Variants in ARL15 observed in about 807,000 individuals in gnomAD.
The protein encoded by ARL15 is ADP-ribosylation factor-like protein 15.
A neutral mutation model predicts 25.2 loss-of-function variants in ARL15; 19 were observed. The observed-to-expected ratio is 0.75, with a 90% CI of 0.53 to 1.10. The LOEUF is 1.10. Ranked by LOEUF, ARL15 falls within the 50% of genes least tolerant of loss-of-function variation. ARL15 has a pLI of 0.00. For missense variants in ARL15, 220 were observed against 246.0 expected (o/e 0.89, Z 0.71); for synonymous variants, 94 against 86.8 (o/e 1.08, Z -0.46).
At chr5:54,236,151 T>C (rs1320786726) in intron 1 of ARL15, among the ~76,000 whole-genome samples, 2 of 152,204 alleles carry the variant, frequency 1.3e-5, no homozygotes, top group Non-Finnish European at 2.9e-5. Context: ...TCTGCCACTT[T>C]TAAACTCTGG....
At chr5:54,203,183 C>A (rs1221885087) in intron 1 of ARL15, among the ~76,000 whole-genome samples, 1 of 152,186 alleles carries the variant, frequency 6.6e-6, no homozygotes, top group East Asian at 1.9e-4. Flanking sequence ...CCACTCCCCC[C>A]TCACTGTTAA....
intron 1 of ARL15, among the ~76,000 whole-genome samples, chr5:54,193,728 T>G (rs899323653): frequency 4.6e-5 from 4 of 86,128 alleles, no homozygotes; most frequent in Non-Finnish European, 7.6e-5. Context: ...AGCCTTCATT[T>G]TTTTTTTTTT....
At chr5:54,011,400 T>C (rs1473864474) in intron 4 of ARL15, among the ~76,000 whole-genome samples, 1 of 152,226 alleles carries the variant, frequency 6.6e-6, no homozygotes, top group Non-Finnish European at 1.5e-5. Flanking sequence ...ATTTCTCCTG[T>C]AATCAGAAGA....
chr5:54,285,726 G>T (rs1758163735), intron 1 of ARL15, among the ~76,000 whole-genome samples: 1 of 152,140 alleles, frequency 6.6e-6, no homozygotes, highest in Non-Finnish European at 1.5e-5. Flanking sequence ...GGGCATACGG[G>T]AGCAGTAAAA....
At chr5:53,894,536 C>T (rs1210817959) in intron 4 of ARL15, among the ~76,000 whole-genome samples, 1 of 152,156 alleles carries the variant, frequency 6.6e-6, no homozygotes, top group African/African-American at 2.4e-5. Context: ...GCCTTAGGGG[C>T]TTGTTTTATT....
intron 4 of ARL15, among the ~76,000 whole-genome samples, chr5:53,964,423 G>A (rs912803921): frequency 5.3e-5 from 8 of 152,082 alleles, no homozygotes; most frequent in African/African-American, 1.2e-4. Context: ...GCAGTGGCGT[G>A]ATCTCGGCTC....
chr5:54,105,047 A>G (rs11750063), intron 4 of ARL15, among the ~76,000 whole-genome samples: 15,609 of 150,988 alleles, frequency 0.1, 1,021 homozygotes, highest in Non-Finnish European at 0.15. Context: ...AATAATAATA[A>G]TGATAATAAT....
At chr5:54,259,641 C>A (rs1218713138) in intron 1 of ARL15, among the ~76,000 whole-genome samples, 1 of 152,156 alleles carries the variant, frequency 6.6e-6, no homozygotes, top group Non-Finnish European at 1.5e-5. Context: ...TATCTATAGA[C>A]CCCTACACTG....
chr5:54,202,802 T>C lies in ARL15; in HGVS notation c.49-30874A>G, dbSNP rs147848984. 2.6e-4 allele frequency among the ~76,000 whole-genome samples: 39 copies of C among 152,286 alleles called. No individual in the cohort carries two copies. In the East Asian group the frequency reaches 7.1e-3, roughly 28 times the overall value. On this transcript the variant is annotated intron_variant, in intron 1 of 4. Transcript: ENST00000504924. ...GGAGGGTGTTGTACTTTTGTTTTCT[T>C]TGTACCTATTTACAAGGTTTCCTAA...
chr5:53,930,519 T>G (rs1483351256), intron 4 of ARL15, among the ~76,000 whole-genome samples: 3 of 152,204 alleles, frequency 2.0e-5, no homozygotes, highest in Admixed American at 2.0e-4. Context: ...ACATCACTTC[T>G]CCTAGGTGTA....
intron 3 of ARL15, among the ~76,000 whole-genome samples, chr5:54,131,570 C>G (rs1042771603): frequency 2.4e-4 from 37 of 152,252 alleles, no homozygotes; most frequent in African/African-American, 8.7e-4. Context: ...TAATGTCATG[C>G]GTAACTTTCT....
chr5:54,139,262 A>G (rs1308059921), intron 3 of ARL15, among the ~76,000 whole-genome samples: 1 of 152,204 alleles, frequency 6.6e-6, no homozygotes, highest in African/African-American at 2.4e-5. Context: ...TGGAACCAAC[A>G]TAAGTGCCCA....
chr5:54,226,548 G>A (rs1027353269), intron 1 of ARL15, among the ~76,000 whole-genome samples: 2 of 152,106 alleles, frequency 1.3e-5, no homozygotes, highest in Non-Finnish European at 2.9e-5. Context: ...AGATCCAAAG[G>A]AGAAGAAAAT....
At chr5:54,097,625 A>G (rs2112166518) in intron 4 of ARL15, among the ~76,000 whole-genome samples, 1 of 152,344 alleles carries the variant, frequency 6.6e-6, no homozygotes, top group Non-Finnish European at 1.5e-5. Context: ...CAAGTAGATC[A>G]CTTTTAGGTT....
chr5:54,024,267 C>T (rs1749709026), intron 4 of ARL15, among the ~76,000 whole-genome samples: 1 of 152,130 alleles, frequency 6.6e-6, no homozygotes, highest in Non-Finnish European at 1.5e-5. Context: ...TACACAGGAT[C>T]TTTCTCAGCT....
At chr5:54,236,331 T>C (rs1267560723) in intron 1 of ARL15, among the ~76,000 whole-genome samples, 2 of 151,962 alleles carry the variant, frequency 1.3e-5, no homozygotes, top group Admixed American at 1.3e-4. Context: ...GCCTGGTGGG[T>C]ACAGGTACTT....
chr5:54,061,588 C>T (rs763378349), intron 4 of ARL15, among the ~76,000 whole-genome samples: 29 of 151,844 alleles, frequency 1.9e-4, no homozygotes, highest in African/African-American at 5.3e-4. Context: ...GCAACAAGAG[C>T]GAAACTCCAC....
chr5:54,268,898 A>T (rs1161188670), intron 1 of ARL15, among the ~76,000 whole-genome samples: 2 of 152,230 alleles, frequency 1.3e-5, no homozygotes, highest in African/African-American at 4.8e-5. Flanking sequence ...GCCATAAAAA[A>T]TGATGAGTTC....
intron 4 of ARL15, among the ~76,000 whole-genome samples, chr5:54,111,650 G>A (rs1393277554): frequency 6.6e-6 from 1 of 151,822 alleles, no homozygotes; most frequent in Non-Finnish European, 1.5e-5. Context: ...AGTTAAAATG[G>A]CACTTATATC....
Sources: allele counts gnomAD v4.1 joint callset (sites outside exome capture counted in the v4.1 genomes callset), GRCh38; gene constraint gnomAD v4.1.1; transcripts MANE v1.5; gene names NCBI Gene and HGNC (gene_info 2026-07-23, HGNC 2026-07-21).